PRDM6: variants seen among roughly 807,000 people sequenced by gnomAD.
PRDM6 encodes the protein PR/SET domain 6, also known as putative histone-lysine N-methyltransferase PRDM6.
PRDM6 carries 25 observed loss-of-function variants against 60.8 expected under a neutral mutation model. That is an observed-to-expected ratio of 0.41 (90% CI 0.30 to 0.57). The LOEUF (loss-of-function observed/expected upper bound fraction) is 0.57. PRDM6 is among the 20% of genes least tolerant of loss of function. The probability of loss-of-function intolerance (pLI) is 0.27; values close to 1 mark genes in which losing one functional copy is unlikely to be tolerated. For missense variants in PRDM6, 839 were observed against 821.3 expected, an observed-to-expected ratio of 1.02 and a Z score of -0.26; for synonymous variants, 407 against 357.4, an observed-to-expected ratio of 1.14 and a Z score of -1.57.
At position 123,171,026 on chromosome 5, in the gene PRDM6, C is replaced by T; in HGVS notation, c.1414C>T (p.Leu472Phe). 1 of 1,552,040 alleles carries T rather than the reference C, an allele frequency of 6.4e-7. No homozygotes were observed. Among genetic ancestry groups the T allele is most frequent in the Non-Finnish European group, 8.7e-7 (1 of 1,147,070 alleles). ...QLHSEFSDWHLWKCGQCFKTF... is the reference protein window; with the variant it reads ...QLHSEFSDWHFWKCGQCFKTF... ...CCACTCGGAGTTCAGTGACTGGCAT[C>T]TTTGGAAATGTGGGCAGTGCTTTAA... is the stretch of plus-strand genomic sequence containing the variant. Residue 472 changes from leucine (L) to phenylalanine (F), a missense_variant, in exon 6 of 8, where the codon CTT (leucine) becomes TTT (phenylalanine). Leu to Phe is a conservative substitution (Grantham distance 22). Coordinates refer to ENST00000407847, the MANE Select transcript of PRDM6 (RefSeq NM_001136239.4).
At chr5:123,141,071 C>T (rs1362857309) in intron 3 of PRDM6, among the ~76,000 whole-genome samples, 3 of 151,908 alleles carry the variant, frequency 2.0e-5, no homozygotes, top group Non-Finnish European at 4.4e-5. Context: ...TGCAATTTAT[C>T]ATGATTATAC....
rs1765262841 is a variant in PRDM6, at chr5:123,147,276, A to AG, written c.901-8608_901-8607insG. Among the ~76,000 whole-genome samples, 5 of 115,278 alleles carry AG rather than the reference A, an allele frequency of 4.3e-5. No individual in the cohort carries two copies. The East Asian group carries it at 8.0e-4, about 19-fold the overall frequency. 75.6% of individuals were successfully genotyped at this position (115,278 alleles called of 152,430 possible). A position where few individuals can be genotyped will look rare whatever the true frequency, so the allele number is the denominator to read the frequency against. The stretch of plus-strand genomic sequence containing the variant: ...TGTGAAATACATTAACACTGATACT[A>AG]AAAAGAGAGAGAGAGAGAGAGAGAG... On this transcript the variant is annotated intron_variant, in intron 3 of 7. Coordinates refer to ENST00000407847, the MANE Select transcript of PRDM6 (RefSeq NM_001136239.4).
At position 123,089,470 on chromosome 5, in the gene PRDM6, A is replaced by ACGCTCACCGAGACACCCGCACG; in HGVS notation, c.-63_-42dup. 1 of 158,026 alleles carries ACGCTCACCGAGACACCCGCACG rather than the reference A, an allele frequency of 6.3e-6. No individual in the cohort carries two copies. Among genetic ancestry groups the ACGCTCACCGAGACACCCGCACG allele is most frequent in the Admixed American group, 6.5e-5 (1 of 15,368 alleles). 9.8% of individuals were successfully genotyped at this position (158,026 alleles called of 1,614,324 possible). ...AGGGCGCACACTCTCGCGCACCCGCACGCTCACCGAGACACCCGCACGCAC... is the reference window on the plus strand; with the variant it reads ...AGGGCGCACACTCTCGCGCACCCGCACGCTCACCGAGACACCCGCACGCGCTCACCGAGACACCCGCACGCAC... On this transcript the variant is annotated 5_prime_UTR_variant, in exon 1 of 8. Coordinates refer to ENST00000407847, the MANE Select transcript of PRDM6 (RefSeq NM_001136239.4).
rs547082309 is a variant in PRDM6 at position 123,182,207 on chromosome 5, G to A, written c.1673+1884G>A. Among the ~76,000 whole-genome samples the A allele has an allele frequency of 3.9e-5, 6 of 152,310 alleles. No homozygotes were observed. The South Asian group carries it at 6.2e-4, about 16-fold the overall frequency. ...TAGGAGTTCCCTATCACCAGTGCTT[G>A]TATCCTGCCTAGTGGACTTTGTCAT... On this transcript the variant is annotated intron_variant, in intron 7 of 7. Transcript: ENST00000407847.
chr5:123,098,684 C>G (rs777700916), intron 2 of PRDM6, among the ~76,000 whole-genome samples: 4 of 152,226 alleles, frequency 2.6e-5, no homozygotes, highest in African/African-American at 9.6e-5. Context: ...ACAACAGAAT[C>G]GCATTTAGCC....
chr5:123,159,051 A>G (rs969424124), intron 4 of PRDM6, among the ~76,000 whole-genome samples: 2 of 152,178 alleles, frequency 1.3e-5, no homozygotes, highest in African/African-American at 4.8e-5. Context: ...GAGTCCTTAT[A>G]TCACAAAGCT....
intron 2 of PRDM6, among the ~76,000 whole-genome samples, chr5:123,094,002 C>A (rs939739627): frequency 1.3e-5 from 2 of 151,912 alleles, no homozygotes; most frequent in African/African-American, 4.8e-5. Flanking sequence ...TTTACTGGAA[C>A]CCTCCTGCGC....
chr5:123,130,565 T>C (rs1400496847), intron 3 of PRDM6, among the ~76,000 whole-genome samples: 1 of 103,220 alleles, frequency 9.7e-6, no homozygotes, highest in Non-Finnish European at 2.6e-5. Flanking sequence ...ATTTATTTAG[T>C]TTTTTTTTTT....
At chr5:123,141,194 T>G (rs897734249) in intron 3 of PRDM6, among the ~76,000 whole-genome samples, 23 of 151,910 alleles carry the variant, frequency 1.5e-4, no homozygotes, top group Non-Finnish European at 2.7e-4. Flanking sequence ...TAATATTATT[T>G]CCTCCCTTTA....
At chr5:123,146,770 A>G (rs544395927) in intron 3 of PRDM6, among the ~76,000 whole-genome samples, 2 of 152,288 alleles carry the variant, frequency 1.3e-5, no homozygotes, top group Admixed American at 6.5e-5. Flanking sequence ...GCAAAAGTGT[A>G]TATGAGAGAG....
intron 3 of PRDM6, among the ~76,000 whole-genome samples, chr5:123,119,703 T>C (rs1364915612): frequency 6.6e-6 from 1 of 152,234 alleles, no homozygotes; most frequent in African/African-American, 2.4e-5. Context: ...TCTCTGATAA[T>C]CTATAATTTT....
intron 3 of PRDM6, among the ~76,000 whole-genome samples, chr5:123,106,616 A>G (rs543242942): frequency 6.6e-6 from 1 of 152,326 alleles, no homozygotes; most frequent in East Asian, 1.9e-4. Flanking sequence ...TTGCTCTTCC[A>G]AAGGCTCAGC....
intron 5 of PRDM6, among the ~76,000 whole-genome samples, chr5:123,170,324 G>A (rs916322001): frequency 2.0e-5 from 3 of 152,138 alleles, no homozygotes; most frequent in Non-Finnish European, 2.9e-5. Flanking sequence ...GCCAAGATCT[G>A]GAGGAAAGCC....
Position 123,159,492 on chromosome 5 carries a change from G to T in PRDM6, c.1029-22G>T. On this transcript the variant is annotated intron_variant, in intron 4 of 7. Coordinates refer to ENST00000407847, the MANE Select transcript of PRDM6 (RefSeq NM_001136239.4). ...ATGAGTCCTATGTATTACTAAGCTG[G>T]GTTTTCTTTTGTTTTGAATAGGTCG... 15 of 1,548,902 alleles carry T rather than the reference G, an allele frequency of 9.7e-6. 1 individual carries two copies. The highest frequency in any genetic ancestry group is 1.3e-5 in the Non-Finnish European group (15 of 1,145,816).
At chr5:123,098,913 C>T (rs1053630933) in intron 2 of PRDM6, among the ~76,000 whole-genome samples, 1 of 149,762 alleles carries the variant, frequency 6.7e-6, no homozygotes, top group African/African-American at 2.5e-5. Context: ...TTCGGGCGCG[C>T]CCTTGGAGTC....
intron 2 of PRDM6, among the ~76,000 whole-genome samples, chr5:123,092,829 C>A (rs1453076866): frequency 1.3e-5 from 2 of 152,200 alleles, no homozygotes; most frequent in Non-Finnish European, 2.9e-5. Flanking sequence ...CTTCCAGGAA[C>A]TTCTCTGGAC....
At chr5:123,159,691 C>CT (rs1765584279) in intron 5 of PRDM6, 53 bp downstream of exon 5, 2 of 1,528,842 alleles carry the variant, frequency 1.3e-6, no homozygotes, top group Non-Finnish European at 1.8e-6. Context: ...TATTTCAAAG[C>CT]TAACTTTTTA....
chr5:123,167,377 T>G (rs907231391), intron 5 of PRDM6, among the ~76,000 whole-genome samples: 2 of 150,674 alleles, frequency 1.3e-5, no homozygotes, highest in Non-Finnish European at 2.9e-5. Context: ...TTTTTAGAAT[T>G]AATCAATTAG....
At chr5:123,169,167 A>T (rs1451481326) in intron 5 of PRDM6, among the ~76,000 whole-genome samples, 1 of 152,234 alleles carries the variant, frequency 6.6e-6, no homozygotes, top group Non-Finnish European at 1.5e-5. Flanking sequence ...ACCACCTGGT[A>T]ACTTTAATCT....
Sources: gnomAD v4.1 joint callset for allele counts (sites outside exome capture counted in the v4.1 genomes callset) on GRCh38, gnomAD v4.1.1 for gene constraint, MANE v1.5 for transcripts, NCBI Gene and HGNC (gene_info 2026-07-23, HGNC 2026-07-21) for gene names.